Variants in THADA observed in about 807,000 individuals in gnomAD.
THADA encodes the protein THADA armadillo repeat containing.
Under a neutral mutation model 219.8 loss-of-function variants are expected in THADA, and 213 were observed. The observed-to-expected ratio is 0.97, with a 90% confidence interval of 0.87 to 1.09. The LOEUF (loss-of-function observed/expected upper bound fraction) is 1.09, where lower values mean the gene tolerates loss of function less well. Among genes scored for constraint, THADA ranks in the 50% least tolerant of loss-of-function variants. The probability of loss-of-function intolerance (pLI) is 0.00; values close to 1 mark genes in which losing one functional copy is unlikely to be tolerated. For missense variants in THADA, 2,956 were observed against 2,311.3 expected (o/e 1.28, Z -5.72); for synonymous variants, 1,018 against 828.9 (o/e 1.23, Z -3.92).
intron 34 of THADA, 29 bp from the exon 35 acceptor site, chr2:43,287,090 G>C: frequency 6.3e-7 from 1 of 1,588,326 alleles, no homozygotes; most frequent in Non-Finnish European, 8.6e-7. Context: ...CCTATCAGTA[G>C]TTCAGAAGAT....
At chr2:43,592,243 G>A in intron 2 of THADA, 74 bp downstream of exon 2, 2 of 1,113,594 alleles carry the variant, frequency 1.8e-6, no homozygotes, top group Non-Finnish European at 2.6e-6. Context: ...TTATATGCTA[G>A]GGGTCCCAGT....
chr2:43,415,536 G>A (rs1573536790), intron 28 of THADA, among the ~76,000 whole-genome samples: 1 of 152,144 alleles, frequency 6.6e-6, no homozygotes, highest in African/African-American at 2.4e-5. Context: ...GACTGGTTAT[G>A]GAAGAACTCA....
chr2:43,310,619 T>C (rs1288228570), intron 31 of THADA, among the ~76,000 whole-genome samples: 1 of 152,190 alleles, frequency 6.6e-6, no homozygotes, highest in African/African-American at 2.4e-5. Flanking sequence ...ACTTATGAAC[T>C]AAAACTGTAA....
At chr2:43,462,750 C>G (rs1242616612) in intron 26 of THADA, among the ~76,000 whole-genome samples, 1 of 152,104 alleles carries the variant, frequency 6.6e-6, no homozygotes, top group African/African-American at 2.4e-5. Context: ...TTTCCGTTCT[C>G]CCTCAGTGTT....
chr2:43,349,903 T>C (rs934093274), intron 29 of THADA, among the ~76,000 whole-genome samples: 2 of 152,214 alleles, frequency 1.3e-5, no homozygotes, highest in African/African-American at 4.8e-5. Flanking sequence ...AAGTATAAAA[T>C]TTCTGTATCT....
intron 22 of THADA, among the ~76,000 whole-genome samples, chr2:43,525,320 A>G (rs569621082): frequency 6.6e-5 from 10 of 152,226 alleles, no homozygotes; most frequent in Non-Finnish European, 1.2e-4. Context: ...CTATCTGCGT[A>G]TACTTCTACA....
intron 22 of THADA, 26 bp downstream of exon 22, chr2:43,527,853 C>T (rs1491508): frequency 0.2 from 301,973 of 1,494,320 alleles, 31,764 homozygotes; most frequent in Middle Eastern, 0.28. Flanking sequence ...CTTTTTAAAA[C>T]GTACACAAAA....
intron 1 of THADA, chr2:43,595,584 C>T (rs767405094): frequency 3.9e-5 from 6 of 152,514 alleles, no homozygotes; most frequent in Non-Finnish European, 8.8e-5. Context: ...GGGGGTAAAT[C>T]CCGTGTCTAC....
intron 29 of THADA, among the ~76,000 whole-genome samples, chr2:43,366,767 T>C (rs1670203135): frequency 6.6e-6 from 1 of 152,194 alleles, no homozygotes. Context: ...AACCTTGCAA[T>C]ACTACATCTA....
intron 29 of THADA, among the ~76,000 whole-genome samples, chr2:43,380,054 A>T (rs915516265): frequency 1.1e-4 from 17 of 152,218 alleles, no homozygotes; most frequent in African/African-American, 3.9e-4. Context: ...GAACCACAGG[A>T]AAGTTTTTAG....
chr2:43,291,218 G>T (rs1344258038), intron 34 of THADA, among the ~76,000 whole-genome samples: 2 of 151,812 alleles, frequency 1.3e-5, no homozygotes, highest in African/African-American at 4.8e-5. Context: ...GGGAGGCCGA[G>T]GCGGGTGGAT....
chr2:43,367,323 T>G (rs903844494), intron 29 of THADA, among the ~76,000 whole-genome samples: 2 of 151,840 alleles, frequency 1.3e-5, no homozygotes, highest in African/African-American at 4.8e-5. Flanking sequence ...ATAGTAAATT[T>G]TATGTTATGT....
At chr2:43,455,998 T>G (rs1682949892) in intron 26 of THADA, among the ~76,000 whole-genome samples, 2 of 152,220 alleles carry the variant, frequency 1.3e-5, no homozygotes, top group South Asian at 2.1e-4. Context: ...GCAGACGAAC[T>G]GCTCGATTGC....
chr2:43,241,438 C>T (rs1384230526), intron 36 of THADA, among the ~76,000 whole-genome samples: 2 of 150,998 alleles, frequency 1.3e-5, no homozygotes, highest in Non-Finnish European at 3.0e-5. Flanking sequence ...AAAGTATATG[C>T]GGAGGCAGAA....
chr2:43,579,410 T>G (rs1056026390), intron 8 of THADA, among the ~76,000 whole-genome samples: 3 of 152,256 alleles, frequency 2.0e-5, no homozygotes, highest in African/African-American at 7.2e-5. Flanking sequence ...CCAAACAGTT[T>G]TGACTTGGTA....
At chr2:43,447,911 T>TTA (rs964840016) in intron 26 of THADA, among the ~76,000 whole-genome samples, 94 of 152,096 alleles carry the variant, frequency 6.2e-4, no homozygotes, top group Admixed American at 3.8e-3. Flanking sequence ...AATTCTGTTT[T>TTA]TATATATATA....
In THADA at chr2:43,577,242, T is replaced by C. The variant is rs953638717; in HGVS notation, c.817A>G (p.Ile273Val). 2.5e-6 allele frequency: 4 copies of C among 1,578,734 alleles called. No individual in the cohort carries two copies. Among genetic ancestry groups the C allele is most frequent in the Non-Finnish European group, 3.4e-6 (4 of 1,162,024 alleles). ...FHPSEKIPHL[I>V]SSVLLRSVDC... ...ACTGAACGAAGCAGCACACTGCTAATCTGGAAAAATATAGCAGAGCTAACA... is the reference window on the plus strand; with the variant it reads ...ACTGAACGAAGCAGCACACTGCTAACCTGGAAAAATATAGCAGAGCTAACA... The change falls in exon 10 of 38, where the codon ATT becomes GTT. Residue 273 changes from isoleucine (I) to valine (V), a missense_variant and splice_region_variant. Coordinates refer to ENST00000405975, the MANE Select transcript of THADA (RefSeq NM_022065.5).
intron 28 of THADA, among the ~76,000 whole-genome samples, chr2:43,427,689 G>A (rs2104810898): frequency 6.7e-6 from 1 of 149,368 alleles, no homozygotes; most frequent in African/African-American, 2.4e-5. Flanking sequence ...GGGCGCGGTG[G>A]CTCATGCCTG....
At chr2:43,508,910 G>A (rs1690037431) in intron 22 of THADA, 130 bp from the exon 23 acceptor site, 2 of 835,696 alleles carry the variant, frequency 2.4e-6, no homozygotes, top group Admixed American at 3.1e-5. Flanking sequence ...ACTAAAACAT[G>A]TCTCATACTT....
Sources: gnomAD v4.1 joint callset for allele counts (sites outside exome capture counted in the v4.1 genomes callset) on GRCh38, gnomAD v4.1.1 for gene constraint, MANE v1.5 for transcripts, NCBI Gene and HGNC (gene_info 2026-07-23, HGNC 2026-07-21) for gene names.